POLA1: variants seen among roughly 807,000 people sequenced by gnomAD.
The protein encoded by POLA1 is DNA polymerase alpha 1, catalytic subunit.
A neutral mutation model predicts 124.0 loss-of-function variants in POLA1; 15 were observed. The observed-to-expected ratio is 0.12, with a 90% confidence interval of 0.08 to 0.19. The LOEUF is 0.19. Among genes scored for constraint, POLA1 ranks in the 10% least tolerant of loss-of-function variants. POLA1 has a pLI of 1.00. For missense variants in POLA1, 886 were observed against 1,103.4 expected, an observed-to-expected ratio of 0.80 and a Z score of 2.79; for synonymous variants, 408 against 389.4, an observed-to-expected ratio of 1.05 and a Z score of -0.56.
At chrX:24,952,736 CAAGA>C (rs1348428045) in intron 36 of POLA1, among the ~76,000 whole-genome samples, 1 of 111,636 alleles carries the variant, frequency 9.0e-6, no homozygotes, top group African/African-American at 3.3e-5. Context: ...ATCTTTGTCT[CAAGA>C]AAGAAATGAG....
At chrX:24,977,188 G>A (rs906046366) in intron 36 of POLA1, among the ~76,000 whole-genome samples, 5 of 111,902 alleles carry the variant, frequency 4.5e-5, no homozygotes, top group African/African-American at 1.6e-4. Context: ...CTTTTGGGGA[G>A]AGGTAAAACA....
rs57038936 is a variant in POLA1 at position 24,951,343 on chromosome X, A to ACCCC, written c.4261+20806_4261+20809dup. 6.1e-4 allele frequency among the ~76,000 whole-genome samples: 25 copies of ACCCC among 40,950 alleles called. 1 individual carries two copies. Among genetic ancestry groups the ACCCC allele is most frequent in the Non-Finnish European group, 7.9e-4 (17 of 21,607 alleles). 35.6% of individuals were successfully genotyped at this position (40,950 alleles called of 115,157 possible). A position where few individuals can be genotyped will look rare whatever the true frequency, so the allele number is the denominator to read the frequency against. On this transcript the variant is annotated intron_variant, in intron 36 of 36. Transcript: ENST00000379068. Reference sequence around the variant, plus strand: ...ACTCACTTTCTTTAAACACCTCCCTACCCCCCCCCCCCCCCACCAAATGCA... The same window carrying ACCCC: ...ACTCACTTTCTTTAAACACCTCCCTACCCCCCCCCCCCCCCCCCCACCAAATGCA...
chrX:24,698,654 T>C (rs1290382275), intron 1 of POLA1, among the ~76,000 whole-genome samples: 1 of 111,272 alleles, frequency 9.0e-6, no homozygotes, highest in Non-Finnish European at 1.9e-5. Context: ...GTTTTTTGTT[T>C]TTGTTTTTTG....
At chrX:24,755,543 A>G (rs1251036328) in intron 26 of POLA1, among the ~76,000 whole-genome samples, 1 of 111,661 alleles carries the variant, frequency 9.0e-6, no homozygotes, top group Non-Finnish European at 1.9e-5. Flanking sequence ...GTTGGATTGT[A>G]TGTCTCTTAG....
intron 35 of POLA1, among the ~76,000 whole-genome samples, chrX:24,923,252 C>T (rs1339791612): frequency 8.9e-6 from 1 of 111,762 alleles, no homozygotes; most frequent in African/African-American, 3.3e-5. Flanking sequence ...ATTTGCAGCA[C>T]ATTCATATTC....
intron 35 of POLA1, among the ~76,000 whole-genome samples, chrX:24,923,140 T>C (rs1291137570): frequency 9.0e-6 from 1 of 111,582 alleles, no homozygotes. Context: ...GAAATTGCCA[T>C]GTGCAGAATG....
intron 36 of POLA1, among the ~76,000 whole-genome samples, chrX:24,957,473 C>T (rs1211637870): frequency 4.5e-5 from 5 of 110,803 alleles, no homozygotes; most frequent in Admixed American, 2.9e-4. Flanking sequence ...TAGGTGTATG[C>T]CCTAGAGACA....
intron 19 of POLA1, among the ~76,000 whole-genome samples, chrX:24,738,069 CG>C (rs1235963921): frequency 9.6e-6 from 1 of 103,734 alleles, no homozygotes; most frequent in Non-Finnish European, 1.9e-5. Flanking sequence ...AAAAATTAGC[CG>C]GGCGCGGTGG....
At chrX:24,830,658 A>G (rs895138405) in intron 32 of POLA1, among the ~76,000 whole-genome samples, 1 of 111,938 alleles carries the variant, frequency 8.9e-6, no homozygotes, top group African/African-American at 3.2e-5. Flanking sequence ...TCTAGACTAT[A>G]GATTTTTCTC....
chrX:24,955,685 G>A (rs2048098675), intron 36 of POLA1, among the ~76,000 whole-genome samples: 1 of 112,037 alleles, frequency 8.9e-6, no homozygotes, highest in Non-Finnish European at 1.9e-5. Flanking sequence ...GAATAAGACT[G>A]ACATGGACTT....
chrX:24,990,969 G>A (rs1385730229), intron 36 of POLA1, among the ~76,000 whole-genome samples: 1 of 111,663 alleles, frequency 9.0e-6, no homozygotes, highest in African/African-American at 3.3e-5. Context: ...ATTGCTTTTT[G>A]GTAATCATTT....
At chrX:24,934,044 C>T (rs1376569862) in intron 36 of POLA1, among the ~76,000 whole-genome samples, 1 of 111,807 alleles carries the variant, frequency 8.9e-6, no homozygotes, top group African/African-American at 3.3e-5. Context: ...TTTACAGGAA[C>T]ATAGGGGCAA....
At chrX:24,789,230 A>G (rs1383808481) in intron 26 of POLA1, among the ~76,000 whole-genome samples, 1 of 111,708 alleles carries the variant, frequency 9.0e-6, no homozygotes, top group South Asian at 3.8e-4. Flanking sequence ...TTTGCAGATG[A>G]CATCATCTTA....
intron 35 of POLA1, among the ~76,000 whole-genome samples, chrX:24,911,250 G>T (rs2047445416): frequency 9.0e-6 from 1 of 111,621 alleles, no homozygotes. Flanking sequence ...TACAAAGTAG[G>T]TCAATTACCG....
At chrX:24,820,680 C>G (rs1016533745) in intron 30 of POLA1, among the ~76,000 whole-genome samples, 1 of 109,367 alleles carries the variant, frequency 9.1e-6, no homozygotes, top group Admixed American at 9.7e-5. Context: ...TTGTTCACAT[C>G]TCCTTTATGG....
intron 26 of POLA1, among the ~76,000 whole-genome samples, chrX:24,757,109 T>G (rs1932645494): frequency 8.9e-6 from 1 of 111,854 alleles, no homozygotes; most frequent in Admixed American, 9.5e-5. Context: ...TTGTTAGTGA[T>G]CATGAATTAC....
intron 34 of POLA1, among the ~76,000 whole-genome samples, chrX:24,847,213 C>T (rs765005530): frequency 9.0e-6 from 1 of 111,356 alleles, no homozygotes; most frequent in Non-Finnish European, 1.9e-5. Flanking sequence ...AAATGTGACC[C>T]CTCTTGGTAC....
chrX:24,733,992 C>T (rs1931103056), intron 17 of POLA1, 176 bp downstream of exon 17: 1 of 326,743 alleles, frequency 3.1e-6, no homozygotes, highest in African/African-American at 2.7e-5. Context: ...CATTATTTAA[C>T]AATGTTTAAA....
chrX:24,881,434 C>T (rs1405278788), intron 34 of POLA1, among the ~76,000 whole-genome samples: 1 of 111,878 alleles, frequency 8.9e-6, no homozygotes, highest in Non-Finnish European at 1.9e-5. Context: ...AATATTACCT[C>T]CTGTTTTATA....
Sources: gnomAD v4.1 joint callset for allele counts (sites outside exome capture counted in the v4.1 genomes callset) on GRCh38, gnomAD v4.1.1 for gene constraint, MANE v1.5 for transcripts, NCBI Gene and HGNC (gene_info 2026-07-23, HGNC 2026-07-21) for gene names.